The following JMJD1C variants were observed in gnomAD, a reference collection of about 807,000 sequenced individuals.
JMJD1C encodes the protein jumonji domain-containing protein 1C.
Under a neutral mutation model 245.3 loss-of-function variants are expected in JMJD1C, and 31 were observed. That is an observed-to-expected ratio of 0.13 (90% CI 0.09 to 0.17). The LOEUF (loss-of-function observed/expected upper bound fraction) is 0.17. JMJD1C is among the 10% of genes least tolerant of loss of function. The probability of loss-of-function intolerance (pLI) is 1.00; values close to 1 mark genes in which losing one functional copy is unlikely to be tolerated. For synonymous variants in JMJD1C, 1,057 were observed against 1,017.4 expected, an observed-to-expected ratio of 1.04 and a Z score of -0.74; for missense variants, 2,691 against 3,000.2, an observed-to-expected ratio of 0.90 and a Z score of 2.41.
intron 2 of JMJD1C, among the ~76,000 whole-genome samples, chr10:63,364,326 C>T (rs9415694): frequency 0.99 from 150,061 of 152,324 alleles, 73,950 homozygotes; most frequent in Middle Eastern, 1. Context: ...GCTGAGATTA[C>T]AGGCGTGAAG....
At chr10:63,368,204 C>G (rs1375100931) in intron 2 of JMJD1C, among the ~76,000 whole-genome samples, 1 of 152,190 alleles carries the variant, frequency 6.6e-6, no homozygotes, top group South Asian at 2.1e-4. Flanking sequence ...TGGGCATTAA[C>G]TGACACTGCT....
intron 3 of JMJD1C, among the ~76,000 whole-genome samples, chr10:63,247,053 TTAG>T (rs1243548940): frequency 2.1e-5 from 3 of 143,332 alleles, no homozygotes; most frequent in Admixed American, 6.9e-5. Context: ...AAATCCAAAA[TTAG>T]TAGTAAGAGG....
chr10:63,264,448 T>C (rs1049358960), intron 3 of JMJD1C, among the ~76,000 whole-genome samples: 2 of 152,186 alleles, frequency 1.3e-5, no homozygotes, highest in Admixed American at 6.5e-5. Context: ...GCCTGGCTCA[T>C]AGTAGGTTCT....
intron 1 of JMJD1C, among the ~76,000 whole-genome samples, chr10:63,504,643 C>A (rs1954661824): frequency 6.6e-6 from 1 of 152,076 alleles, no homozygotes; most frequent in Non-Finnish European, 1.5e-5. Context: ...GAAATTTAAT[C>A]CAAGTGCAAG....
chr10:63,410,162 T>A (rs1949400314), intron 1 of JMJD1C, among the ~76,000 whole-genome samples: 1 of 152,146 alleles, frequency 6.6e-6, no homozygotes, highest in African/African-American at 2.4e-5. Flanking sequence ...ATTCCTACTT[T>A]AAAATATTGT....
chr10:63,309,968 A>AG (rs1477352072), intron 2 of JMJD1C, among the ~76,000 whole-genome samples: 1 of 152,194 alleles, frequency 6.6e-6, no homozygotes, highest in African/African-American at 2.4e-5. Context: ...AAAAGAGTTC[A>AG]GCAAGCCTAC....
intron 1 of JMJD1C, among the ~76,000 whole-genome samples, chr10:63,484,916 C>G (rs1213508523): frequency 6.6e-6 from 1 of 151,660 alleles, no homozygotes; most frequent in Non-Finnish European, 1.5e-5. Context: ...CCTAGAGGCT[C>G]CAAAGGACAC....
intron 2 of JMJD1C, among the ~76,000 whole-genome samples, chr10:63,335,824 A>T (rs1050333108): frequency 6.6e-6 from 1 of 151,080 alleles, no homozygotes; most frequent in Admixed American, 6.6e-5. Flanking sequence ...TATTTTCCTA[A>T]AAAAAAAACA....
At chr10:63,180,071 A>G (rs1843294154) in intron 22 of JMJD1C, among the ~76,000 whole-genome samples, 1 of 152,136 alleles carries the variant, frequency 6.6e-6, no homozygotes, top group Non-Finnish European at 1.5e-5. Flanking sequence ...ACAGTGGCAC[A>G]ATCTCGGCTC....
chr10:63,473,637 A>C (rs1953563485), intron 1 of JMJD1C, among the ~76,000 whole-genome samples: 1 of 152,156 alleles, frequency 6.6e-6, no homozygotes, highest in South Asian at 2.1e-4. Flanking sequence ...ACTTTTCCTC[A>C]AGATATGAAC....
At chr10:63,383,257 A>G (rs1322117240) in intron 1 of JMJD1C, among the ~76,000 whole-genome samples, 1 of 152,140 alleles carries the variant, frequency 6.6e-6, no homozygotes, top group Admixed American at 6.6e-5. Flanking sequence ...AATATCCACT[A>G]AAGATATTCA....
Position 63,198,930 on chromosome 10 carries a change from G to A in JMJD1C, c.5277-203C>T, listed in dbSNP as rs1340134406. On this transcript the variant is annotated intron_variant, in intron 11 of 25. Transcript: ENST00000399262. ...GGTGTTATGCAAATGGCAATAAGTA[G>A]TAGTAATTTTAGGTTATTTCAAGAA... 3.9e-5 allele frequency among the ~76,000 whole-genome samples: 6 copies of A among 152,194 alleles called. No homozygotes were observed. In the East Asian group the frequency reaches 5.8e-4, roughly 15 times the overall value.
intron 18 of JMJD1C, among the ~76,000 whole-genome samples, chr10:63,186,597 T>A (rs921247526): frequency 3.3e-5 from 5 of 152,160 alleles, no homozygotes; most frequent in Admixed American, 3.3e-4. Context: ...TAATGAGTTA[T>A]TCTCTGAAAG....
upstream of JMJD1C, among the ~76,000 whole-genome samples, chr10:63,470,178 T>C (rs75236061): frequency 7.8e-3 from 1,186 of 152,252 alleles, 7 homozygotes; most frequent in Non-Finnish European, 0.014. Flanking sequence ...TTATAGGATA[T>C]ATAAGCTCCA....
intron 3 of JMJD1C, among the ~76,000 whole-genome samples, chr10:63,248,064 C>T (rs1420577283): frequency 6.6e-6 from 1 of 151,892 alleles, no homozygotes; most frequent in African/African-American, 2.4e-5. Flanking sequence ...CCTGTCTCTA[C>T]TAAAAATACA....
intron 1 of JMJD1C, among the ~76,000 whole-genome samples, chr10:63,460,637 G>T (rs1952726809): frequency 6.6e-6 from 1 of 152,024 alleles, no homozygotes; most frequent in African/African-American, 2.4e-5. Flanking sequence ...GTAAATGCTA[G>T]GTACGGTACT....
At chr10:63,349,878 A>T (rs1944199519) in intron 2 of JMJD1C, among the ~76,000 whole-genome samples, 1 of 152,216 alleles carries the variant, frequency 6.6e-6, no homozygotes, top group Admixed American at 6.5e-5. Flanking sequence ...GATACCTGAC[A>T]TTACAGATTG....
chr10:63,427,977 C>T (rs111508447), intron 1 of JMJD1C: 12,630 of 696,562 alleles, frequency 0.018, 173 homozygotes, highest in Non-Finnish European at 0.025. Flanking sequence ...CCACAGCATC[C>T]CAGACAGTTT....
chr10:63,222,042 G>A, intron 3 of JMJD1C: 2 of 425,604 alleles, frequency 4.7e-6, no homozygotes, highest in Non-Finnish European at 8.8e-6. Context: ...TATTTTACAA[G>A]GAAAACCATT....
Sources: gnomAD v4.1 joint callset for allele counts (sites outside exome capture counted in the v4.1 genomes callset) on GRCh38, gnomAD v4.1.1 for gene constraint, MANE v1.5 for transcripts, NCBI Gene and HGNC (gene_info 2026-07-23, HGNC 2026-07-21) for gene names.